The following GANC variants were observed in gnomAD, a reference collection of about 807,000 sequenced individuals.
GANC encodes the protein glucosidase alpha, neutral C, also known as neutral alpha-glucosidase C.
GANC carries 117 observed loss-of-function variants against 124.2 expected under a neutral mutation model. The observed-to-expected ratio is 0.94, with a 90% confidence interval of 0.81 to 1.10. The LOEUF is 1.10. Ranked by LOEUF, GANC falls within the 50% of genes least tolerant of loss-of-function variation. The pLI, the probability that GANC is intolerant of heterozygous loss-of-function variation, is 0.00. For missense variants in GANC, 1,140 were observed against 1,095.0 expected (o/e 1.04, Z -0.58); for synonymous variants, 377 against 376.8 (o/e 1.00, Z -0.01).
chr15:42,283,638 A>C (rs1346356889), intron 3 of GANC: 1 of 702,500 alleles, frequency 1.4e-6, no homozygotes, highest in Non-Finnish European at 2.6e-6. Flanking sequence ...ACCAGAGACA[A>C]CACTTCCAGC....
chr15:42,314,318 G>GT (rs1386136120), intron 10 of GANC: 1 of 585,482 alleles, frequency 1.7e-6, no homozygotes, highest in East Asian at 2.9e-5. Context: ...TTTTGCTGCT[G>GT]TCTCATCTGG....
chr15:42,311,516 A>G (rs181747367), intron 10 of GANC, among the ~76,000 whole-genome samples: 161 of 152,342 alleles, frequency 1.1e-3, no homozygotes, highest in African/African-American at 3.7e-3. Context: ...GGCAATTTAT[A>G]AAGAAAATAA....
At chr15:42,313,358 C>T (rs989519917) in intron 10 of GANC, among the ~76,000 whole-genome samples, 4 of 152,068 alleles carry the variant, frequency 2.6e-5, no homozygotes, top group Non-Finnish European at 5.9e-5. Flanking sequence ...ACAACAAAAT[C>T]GTGAGGAACA....
At chr15:42,327,324 A>G in intron 12 of GANC, 39 bp from the exon 13 acceptor site, 1 of 1,468,856 alleles carries the variant, frequency 6.8e-7, no homozygotes, top group South Asian at 1.2e-5. Context: ...TGTGAGGACC[A>G]CTGTTCTTGA....
intron 3 of GANC, among the ~76,000 whole-genome samples, chr15:42,287,281 G>A (rs2051798754): frequency 6.6e-6 from 1 of 152,088 alleles, no homozygotes; most frequent in African/African-American, 2.4e-5. Context: ...TCATCCAGCT[G>A]GAATCTAGTT....
chr15:42,345,449 T>A (rs893093915), intron 19 of GANC, among the ~76,000 whole-genome samples: 1 of 152,194 alleles, frequency 6.6e-6, no homozygotes, highest in Non-Finnish European at 1.5e-5. Context: ...AGGAACTATG[T>A]CTTTTCTGTT....
rs1350860086 is a variant in GANC, at chr15:42,321,992, A to C, written c.1265A>C (p.Gln422Pro). The part of the protein sequence containing the change: ...KNRFPNPKRM[Q>P]ELLRSKKRKL... The stretch of plus-strand genomic sequence containing the variant: ...AGATTCCCAAACCCCAAGAGGATGC[A>C]AGAGCTGCTCAGGAGCAAAAAGCGT... The change falls in exon 11 of 24, where the codon CAA becomes CCA. Residue 422 changes from glutamine to proline, a missense_variant. Physicochemically the swap from Gln to Pro is moderately conservative, Grantham distance 76. Coordinates refer to ENST00000318010, the MANE Select transcript of GANC (RefSeq NM_198141.3). The C allele has an allele frequency of 6.2e-7, 1 of 1,613,604 alleles. No homozygotes were observed. Among genetic ancestry groups the C allele is most frequent in the Non-Finnish European group, 8.5e-7 (1 of 1,179,762 alleles).
rs1275142127 is a variant in GANC, at chr15:42,281,082, G to A, written c.201+2492G>A. 3 of 702,568 alleles carry A rather than the reference G, an allele frequency of 4.3e-6. No individual in the cohort carries two copies. The Admixed American group carries it at 6.0e-5, about 14-fold the overall frequency. The allele number at this position is 702,568 out of a possible 1,614,324, so 43.5% of individuals were successfully genotyped here. A position where few individuals can be genotyped will look rare whatever the true frequency, so the allele number is the denominator to read the frequency against. On this transcript the variant is annotated intron_variant, in intron 3 of 23. Coordinates refer to ENST00000318010, the MANE Select transcript of GANC (RefSeq NM_198141.3). ...AATTACCTGGGACATCAGCAACGTA[G>A]CTCCCAAGACTGAGAACTTTGAGGA...
At chr15:42,348,059 T>C in intron 20 of GANC, 44 bp from the exon 21 acceptor site, 1 of 1,068,796 alleles carries the variant, frequency 9.4e-7, no homozygotes, top group Non-Finnish European at 1.4e-6. Flanking sequence ...CTTGAAATTT[T>C]CTTATATGAA....
At chr15:42,314,994 A>T (rs1441687597) in intron 10 of GANC, among the ~76,000 whole-genome samples, 1 of 152,180 alleles carries the variant, frequency 6.6e-6, no homozygotes, top group Non-Finnish European at 1.5e-5. Flanking sequence ...TTTGCAGCAT[A>T]AGGACTTCAA....
chr15:42,343,403 C>T (rs1404351716), intron 19 of GANC: 2 of 468,454 alleles, frequency 4.3e-6, no homozygotes, highest in Non-Finnish European at 7.8e-6. Context: ...CACACTTTGA[C>T]TAGTAAAAGT....
intron 10 of GANC, chr15:42,314,360 G>A: frequency 1.9e-6 from 1 of 522,790 alleles, no homozygotes; most frequent in Admixed American, 3.4e-5. Flanking sequence ...ATATTGGAAG[G>A]CATCTGACAA....
intron 22 of GANC, 122 bp from the exon 23 acceptor site, chr15:42,351,205 TCC>T (rs534175204): frequency 1.5e-6 from 1 of 666,554 alleles, no homozygotes. Flanking sequence ...TAAATATGAC[TCC>T]CATATGGATC....
chr15:42,315,810 T>G (rs2052096379), intron 10 of GANC, among the ~76,000 whole-genome samples: 1 of 152,014 alleles, frequency 6.6e-6, no homozygotes, highest in Non-Finnish European at 1.5e-5. Context: ...AGAAAAAGAC[T>G]AAGGTCCCTG....
Position 42,274,471 on chromosome 15 carries a change from A to G in GANC, c.-11A>G, listed in dbSNP as rs1438457578. 6 of 1,610,294 alleles carry G rather than the reference A, an allele frequency of 3.7e-6. No homozygotes were observed. The highest frequency in any genetic ancestry group is 5.1e-6 in the Non-Finnish European group (6 of 1,178,506). The stretch of plus-strand genomic sequence containing the variant: ...TGAGAGCTGGGAGCTGGTCGGAGTG[A>G]CAGAGAAGCCATGGAAGCAGCAGTG... On this transcript the variant is annotated 5_prime_UTR_variant, in exon 1 of 24. It removes the in-frame stop codon of an upstream open reading frame in the 5' UTR. Coordinates refer to ENST00000318010, the MANE Select transcript of GANC (RefSeq NM_198141.3).
At chr15:42,322,265 C>T (rs991422048) in intron 11 of GANC, among the ~76,000 whole-genome samples, 1 of 152,142 alleles carries the variant, frequency 6.6e-6, no homozygotes, top group Non-Finnish European at 1.5e-5. Flanking sequence ...TTTTCAGTTC[C>T]GTTTGTTGTG....
chr15:42,336,953 G>A (rs1405508424), intron 15 of GANC, among the ~76,000 whole-genome samples: 1 of 152,184 alleles, frequency 6.6e-6, no homozygotes, highest in Non-Finnish European at 1.5e-5. Context: ...ACACCATTCA[G>A]AATGGCTGTT....
At chr15:42,278,406 C>T (rs1413877178) in intron 2 of GANC, 76 bp from the exon 3 acceptor site, 1 of 966,440 alleles carries the variant, frequency 1.0e-6, no homozygotes, top group Middle Eastern at 2.2e-4. Flanking sequence ...TTAATGACTT[C>T]CACATGATAA....
intron 4 of GANC, among the ~76,000 whole-genome samples, chr15:42,291,080 C>T (rs574347690): frequency 4.4e-4 from 67 of 152,166 alleles, no homozygotes; most frequent in Middle Eastern, 6.8e-3. Flanking sequence ...CAGATCCCAA[C>T]ATGCCCAGAG....
Sources: allele counts gnomAD v4.1 joint callset (sites outside exome capture counted in the v4.1 genomes callset), GRCh38; gene constraint gnomAD v4.1.1; transcripts MANE v1.5; gene names NCBI Gene and HGNC (gene_info 2026-07-23, HGNC 2026-07-21).